Variants in MBD5 observed in about 807,000 individuals in gnomAD.
MBD5 encodes the protein methyl-CpG binding domain protein 5.
A neutral mutation model predicts 117.3 loss-of-function variants in MBD5; 13 were observed. That is an observed-to-expected ratio of 0.11 (90% CI 0.07 to 0.18). The LOEUF (loss-of-function observed/expected upper bound fraction) is 0.18. Among genes scored for constraint, MBD5 ranks in the 10% least tolerant of loss-of-function variants. MBD5 has a pLI of 1.00. For missense variants in MBD5, 1,879 were observed against 2,093.8 expected, an observed-to-expected ratio of 0.90 and a Z score of 2.00; for synonymous variants, 727 against 766.4, an observed-to-expected ratio of 0.95 and a Z score of 0.85.
intron 1 of MBD5, among the ~76,000 whole-genome samples, chr2:148,154,737 C>T (rs1015664962): frequency 6.6e-6 from 1 of 152,148 alleles, no homozygotes; most frequent in Non-Finnish European, 1.5e-5. Context: ...GGAAAGGGAA[C>T]TCCCTGACCC....
chr2:148,052,206 G>GTTTTTTTTTTT lies in MBD5; in HGVS notation c.-925+30533_-925+30543dup, dbSNP rs70992189. 1.1e-3 allele frequency among the ~76,000 whole-genome samples: 94 copies of GTTTTTTTTTTT among 83,758 alleles called. 3 individuals carry two copies. Among genetic ancestry groups the GTTTTTTTTTTT allele is most frequent in the Non-Finnish European group, 1.3e-3 (61 of 45,248 alleles). The allele number at this position is 83,758 out of a possible 152,430, so 54.9% of individuals were successfully genotyped here. A position where few individuals can be genotyped will look rare whatever the true frequency, so the allele number is the denominator to read the frequency against. On this transcript the variant is annotated intron_variant, in intron 1 of 13. Coordinates refer to ENST00000642680, the MANE Select transcript of MBD5 (RefSeq NM_001378120.1). ...TCTTATGGTATAAGACTGTTATTGA[G>GTTTTTTTTTTT]TTTTTTTTTTTTTTTTTTTTTGAGA...
rs573695670 is a variant in MBD5, at chr2:148,362,023, C to T, written c.-557+19687C>T. On this transcript the variant is annotated intron_variant, in intron 4 of 13. Transcript: ENST00000642680. ...AGGAGATTCCCTCGGGTGCCTACAC[C>T]ACCAGGGCCCTGGGTTTCAAGCACA... Among the ~76,000 whole-genome samples the T allele has an allele frequency of 1.1e-4, 16 of 152,290 alleles. No individual in the cohort carries two copies. In the South Asian group the frequency reaches 3.3e-3, roughly 32 times the overall value.
At chr2:148,370,350 T>G (rs1257174156) in intron 4 of MBD5, among the ~76,000 whole-genome samples, 2 of 152,216 alleles carry the variant, frequency 1.3e-5, no homozygotes, top group African/African-American at 4.8e-5. Flanking sequence ...CTATCTGGTC[T>G]GTATTCCCAG....
chr2:148,306,276 A>G (rs1701890744), intron 3 of MBD5, among the ~76,000 whole-genome samples: 1 of 152,178 alleles, frequency 6.6e-6, no homozygotes, highest in Admixed American at 6.5e-5. Flanking sequence ...GCCAGGTACC[A>G]GGCTGGTATC....
intron 4 of MBD5, among the ~76,000 whole-genome samples, chr2:148,410,396 T>A (rs1705214481): frequency 6.6e-6 from 1 of 152,152 alleles, no homozygotes; most frequent in Non-Finnish European, 1.5e-5. Flanking sequence ...ATCTTTTTCT[T>A]ATTGGTTTGT....
At chr2:148,450,176 C>G (rs1706685666) in intron 4 of MBD5, among the ~76,000 whole-genome samples, 1 of 152,064 alleles carries the variant, frequency 6.6e-6, no homozygotes, top group Non-Finnish European at 1.5e-5. Flanking sequence ...CTAGGCACAT[C>G]TACATTAACT....
At chr2:148,183,663 CCTTTT>C (rs1698581702) in intron 2 of MBD5, among the ~76,000 whole-genome samples, 2 of 152,066 alleles carry the variant, frequency 1.3e-5, no homozygotes, top group Admixed American at 6.6e-5. Context: ...CCTATGTTCT[CCTTTT>C]CTTAGTTGTT....
At chr2:148,248,935 G>C (rs777431008) in intron 3 of MBD5, among the ~76,000 whole-genome samples, 1 of 151,960 alleles carries the variant, frequency 6.6e-6, no homozygotes, top group Non-Finnish European at 1.5e-5. Context: ...AGTATACTGG[G>C]ATCATTGATT....
In MBD5 at chr2:148,153,006, G is replaced by C. The variant is rs1421841099; in HGVS notation, c.-924-25694G>C. Among the ~76,000 whole-genome samples, 37 of 151,440 alleles carry C rather than the reference G, an allele frequency of 2.4e-4. No homozygotes were observed. In the South Asian group the frequency reaches 4.9e-3, roughly 20 times the overall value. On this transcript the variant is annotated intron_variant, in intron 1 of 13. Transcript: ENST00000642680. The stretch of plus-strand genomic sequence containing the variant: ...TATGATGTTAGCTGGTTATTTTGCT[G>C]GTTAGTTGATGCAGTTTCTTCCTAG...
intron 1 of MBD5, among the ~76,000 whole-genome samples, chr2:148,147,444 G>T (rs894421367): frequency 1.5e-4 from 22 of 151,424 alleles, no homozygotes; most frequent in African/African-American, 5.3e-4. Context: ...GTTTCACCAT[G>T]TTGGCCAGGC....
chr2:148,406,514 C>A (rs929321183), intron 4 of MBD5, among the ~76,000 whole-genome samples: 1 of 152,152 alleles, frequency 6.6e-6, no homozygotes, highest in Non-Finnish European at 1.5e-5. Context: ...ATAAGAGATA[C>A]CTTCCTAAAG....
rs1574099949 is a variant in MBD5, at chr2:148,178,801, G to A, written c.-831+8G>A. 2 of 398,300 alleles carry A rather than the reference G, an allele frequency of 5.0e-6. No individual in the cohort carries two copies. Among genetic ancestry groups the A allele is most frequent in the Non-Finnish European group, 8.9e-6 (2 of 225,704 alleles). 24.7% of individuals were successfully genotyped at this position (398,300 alleles called of 1,614,324 possible). A position where few individuals can be genotyped will look rare whatever the true frequency, so the allele number is the denominator to read the frequency against. ...AGAAGATAAGCACTAAAGGTAAGTA[G>A]TAACTATAGCCCCATATATAATTTC... On this transcript the variant is annotated splice_region_variant and intron_variant, in intron 2 of 13. Coordinates refer to ENST00000642680, the MANE Select transcript of MBD5 (RefSeq NM_001378120.1).
At position 148,489,437 on chromosome 2, in the gene MBD5, C is replaced by T; in HGVS notation, c.3805C>T (p.Pro1269Ser). 1 of 1,614,148 alleles carries T rather than the reference C, an allele frequency of 6.2e-7. No individual in the cohort carries two copies. The highest frequency in any genetic ancestry group is 1.7e-5 in the Admixed American group (1 of 60,022). ...CCTAAACAAAAGAATAAGCACTCAGCCTGGGCTCACAGCACTTCCTGAGAA... is the reference window on the plus strand; with the variant it reads ...CCTAAACAAAAGAATAAGCACTCAGTCTGGGCTCACAGCACTTCCTGAGAA... ...ALLNKRISTQ[P>S]GLTALPENPN... is the part of the protein sequence containing the mutation. Residue 1269 changes from proline to serine, a missense_variant, in exon 11 of 14, where the codon CCT becomes TCT. Pro to Ser is a moderately conservative substitution (Grantham distance 74, BLOSUM62 -1). Coordinates refer to ENST00000642680, the MANE Select transcript of MBD5 (RefSeq NM_001378120.1).
chr2:148,382,484 A>T (rs191713547), intron 4 of MBD5, among the ~76,000 whole-genome samples: 1,738 of 152,298 alleles, frequency 0.011, 34 homozygotes, highest in African/African-American at 0.039. Flanking sequence ...AAAGTGACTT[A>T]GACTCCCACA....
In MBD5 at chr2:148,230,074, G is replaced by A. The variant is rs148395170; in HGVS notation, c.-830-3171G>A. Among the ~76,000 whole-genome samples the A allele has an allele frequency of 3.1e-4, 47 of 152,272 alleles. No individual in the cohort carries two copies. The East Asian group carries it at 9.1e-3, about 29-fold the overall frequency. On this transcript the variant is annotated intron_variant, in intron 2 of 13. Coordinates refer to ENST00000642680, the MANE Select transcript of MBD5 (RefSeq NM_001378120.1). ...GGGCTTCAGCCTGTGTTCACTCAAGGCTTTAGGGCTCAACAATCAGCAGGT... is the reference window on the plus strand; with the variant it reads ...GGGCTTCAGCCTGTGTTCACTCAAGACTTTAGGGCTCAACAATCAGCAGGT...
At chr2:148,246,964 T>C (rs922532228) in intron 3 of MBD5, among the ~76,000 whole-genome samples, 1 of 152,162 alleles carries the variant, frequency 6.6e-6, no homozygotes, top group Non-Finnish European at 1.5e-5. Flanking sequence ...CCTTGAAATA[T>C]AGTTAGTTAA....
chr2:148,416,564 C>T (rs566765272), intron 4 of MBD5, among the ~76,000 whole-genome samples: 1 of 152,234 alleles, frequency 6.6e-6, no homozygotes, highest in Non-Finnish European at 1.5e-5. Context: ...TTTATGTAGT[C>T]AAATTAACTA....
chr2:148,029,858 G>A (rs1382797314), intron 1 of MBD5, among the ~76,000 whole-genome samples: 5 of 151,938 alleles, frequency 3.3e-5, no homozygotes. Context: ...GTTTATAAGA[G>A]GTATAAGTAA....
chr2:148,225,672 G>A (rs541459302), intron 2 of MBD5, among the ~76,000 whole-genome samples: 6 of 152,210 alleles, frequency 3.9e-5, no homozygotes, highest in African/African-American at 1.4e-4. Context: ...GCTTTTGTTT[G>A]TCTGGGAAAG....
Sources: allele counts gnomAD v4.1 joint callset (sites outside exome capture counted in the v4.1 genomes callset), GRCh38; gene constraint gnomAD v4.1.1; transcripts MANE v1.5; gene names NCBI Gene and HGNC (gene_info 2026-07-23, HGNC 2026-07-21).